The following COL4A2 variants were observed in gnomAD, a reference collection of about 807,000 sequenced individuals.
The protein encoded by COL4A2 is collagen alpha-2(IV) chain.
Under a neutral mutation model 200.2 loss-of-function variants are expected in COL4A2, and 99 were observed. That is an observed-to-expected ratio of 0.49 (90% confidence interval 0.42 to 0.58). The LOEUF is 0.58. COL4A2 is among the 20% of genes least tolerant of loss of function. The probability of loss-of-function intolerance (pLI) is 0.00; values close to 1 mark genes in which losing one functional copy is unlikely to be tolerated. For synonymous variants in COL4A2, 897 were observed against 900.6 expected (o/e 1.00, Z 0.07); for missense variants, 1,950 against 2,314.1 (o/e 0.84, Z 3.23).
chr13:110,407,014 C>T (rs1048883135), intron 4 of COL4A2, among the ~76,000 whole-genome samples: 1 of 152,192 alleles, frequency 6.6e-6, no homozygotes, highest in Non-Finnish European at 1.5e-5. Context: ...AAGCAGCCCA[C>T]CCCGATCGCC....
intron 16 of COL4A2, among the ~76,000 whole-genome samples, chr13:110,443,712 C>T (rs1036689793): frequency 3.3e-5 from 5 of 152,156 alleles, no homozygotes; most frequent in African/African-American, 1.2e-4. Flanking sequence ...CTGTGGTGAG[C>T]TTGCTAGCAG....
intron 31 of COL4A2, among the ~76,000 whole-genome samples, chr13:110,481,067 CTGTTCTGTCCCTCCGTTGCTGG>C: frequency 1.1e-5 from 1 of 89,152 alleles, no homozygotes; most frequent in Non-Finnish European, 2.3e-5. Context: ...TGGAGACACA[CTGTTCTGTCCCTCCGTTGCTGG>C]AGACACACTG....
At chr13:110,445,261 T>C (rs1432995594) in intron 16 of COL4A2, among the ~76,000 whole-genome samples, 1 of 152,212 alleles carries the variant, frequency 6.6e-6, no homozygotes, top group East Asian at 1.9e-4. Context: ...GTTTCAACAG[T>C]TGGTTCAGGT....
intron 4 of COL4A2, among the ~76,000 whole-genome samples, chr13:110,386,685 C>A (rs1283198744): frequency 6.6e-6 from 1 of 152,100 alleles, no homozygotes; most frequent in Non-Finnish European, 1.5e-5. Flanking sequence ...GTTATTATTT[C>A]TCCACTTTGG....
rs2139453956 is a variant in COL4A2 at position 110,424,811 on chromosome 13, T to C, written c.258T>C (p.Arg86=). Residue 86 remains arginine (R), a synonymous_variant, in exon 5 of 48, where the codon CGT becomes CGC. Coordinates refer to ENST00000360467, the MANE Select transcript of COL4A2 (RefSeq NM_001846.4). The part of the protein sequence containing the change: ...GLQGFPGLQG[R]KGDKGERGAP... ...AAGGATTCCCGGGACTGCAGGGACG[T>C]AAAGGAGACAAGGGTGAAAGGGGAG... The C allele has an allele frequency of 6.2e-7, 1 of 1,613,710 alleles. No homozygotes were observed. Among genetic ancestry groups the C allele is most frequent in the Non-Finnish European group, 8.5e-7 (1 of 1,179,758 alleles).
Position 110,493,341 on chromosome 13 carries a change from G to A in COL4A2, c.3634+59G>A, listed in dbSNP as rs1883351834. On this transcript the variant is annotated intron_variant, in intron 39 of 47. Transcript: ENST00000360467. Reference sequence around the variant, plus strand: ...CAGAGGTGTCGAGGGTGGGGACTCTGTGCTGAGTCTGCCCTCCAGACTTCA... The same window carrying A: ...CAGAGGTGTCGAGGGTGGGGACTCTATGCTGAGTCTGCCCTCCAGACTTCA... The A allele has an allele frequency of 1.9e-6, 3 of 1,565,048 alleles. No individual in the cohort carries two copies. In the African/African-American group the frequency reaches 4.1e-5, roughly 21 times the overall value.
intron 4 of COL4A2, among the ~76,000 whole-genome samples, chr13:110,370,935 T>G (rs34204050): frequency 0.086 from 13,083 of 152,250 alleles, 896 homozygotes; most frequent in East Asian, 0.33. Flanking sequence ...TCAAGTTGAA[T>G]AATCAGACTG....
chr13:110,501,862 G>T, intron 41 of COL4A2, 78 bp downstream of exon 41: 1 of 1,383,902 alleles, frequency 7.2e-7, no homozygotes, highest in Non-Finnish European at 1.0e-6. Context: ...TGTAGGGGGA[G>T]AACAGACGTT....
chr13:110,502,493 T>G (rs771999739), intron 41 of COL4A2: 1 of 152,422 alleles, frequency 6.6e-6, no homozygotes, highest in South Asian at 2.1e-4. Context: ...CCCAGATGAT[T>G]TTTGTATTTT....
At chr13:110,380,713 T>C (rs1878434011) in intron 4 of COL4A2, among the ~76,000 whole-genome samples, 1 of 150,750 alleles carries the variant, frequency 6.6e-6, no homozygotes, top group South Asian at 2.1e-4. Flanking sequence ...ACAAGCTCTA[T>C]CTCACACCCA....
At chr13:110,434,032 A>G (rs1308276301) in intron 11 of COL4A2, among the ~76,000 whole-genome samples, 1 of 152,220 alleles carries the variant, frequency 6.6e-6, no homozygotes, top group Non-Finnish European at 1.5e-5. Flanking sequence ...CCAGAAGAAA[A>G]GACGAATCAT....
intron 40 of COL4A2, among the ~76,000 whole-genome samples, chr13:110,497,050 C>A (rs1286169781): frequency 6.7e-6 from 1 of 148,506 alleles, no homozygotes; most frequent in East Asian, 2.0e-4. Flanking sequence ...CACACCAGCA[C>A]AAGCTCCACT....
At chr13:110,504,103 G>C (rs372917229) in intron 44 of COL4A2, 45 bp from the exon 45 acceptor site, 110 of 1,600,396 alleles carry the variant, frequency 6.9e-5, no homozygotes, top group Non-Finnish European at 8.8e-5. Context: ...GGCCGTGCCA[G>C]GCGTGGTCAG....
intron 4 of COL4A2, among the ~76,000 whole-genome samples, chr13:110,358,781 A>T (rs564751623): frequency 6.6e-6 from 1 of 152,358 alleles, no homozygotes; most frequent in South Asian, 2.1e-4. Flanking sequence ...TACTTTGCTA[A>T]GAAATTTAAT....
At chr13:110,383,616 T>C (rs1023264947) in intron 4 of COL4A2, among the ~76,000 whole-genome samples, 26 of 136,156 alleles carry the variant, frequency 1.9e-4, no homozygotes, top group African/African-American at 6.5e-4. Flanking sequence ...CTTTTTTTTT[T>C]TTTTTTTTTT....
At chr13:110,494,779 T>C (rs1318283486) in intron 39 of COL4A2, among the ~76,000 whole-genome samples, 1 of 152,252 alleles carries the variant, frequency 6.6e-6, no homozygotes, top group Non-Finnish European at 1.5e-5. Flanking sequence ...AATGTGCTGT[T>C]TGTAGACATT....
At chr13:110,427,986 A>G (rs1056235906) in intron 6 of COL4A2, among the ~76,000 whole-genome samples, 1 of 152,226 alleles carries the variant, frequency 6.6e-6, no homozygotes, top group Non-Finnish European at 1.5e-5. Flanking sequence ...GTTGGGTACA[A>G]CTGATAAGGA....
Position 110,495,404 on chromosome 13 carries a change from G to A in COL4A2, c.3697G>A (p.Glu1233Lys). The change falls in exon 40 of 48, where the codon GAG (glutamate) becomes AAG (lysine). Residue 1233 changes from glutamate (E) to lysine (K), a missense_variant. This residue lies in a region of COL4A2 where 1,385 missense variants were observed against 1,720.5 expected (regional missense o/e 0.80). Coordinates refer to ENST00000360467, the MANE Select transcript of COL4A2 (RefSeq NM_001846.4). Reference sequence around the variant, plus strand: ...TCCTGGGGAAAGAGGTGACCCAGGAGAGGCCAACACCCTTCCAGGCCCTGT... The same window carrying A: ...TCCTGGGGAAAGAGGTGACCCAGGAAAGGCCAACACCCTTCCAGGCCCTGT... ...GPPGERGDPG[E>K]ANTLPGPVGV... 6.2e-7 allele frequency: 1 copy of A among 1,614,122 alleles called. No individual in the cohort carries two copies. The highest frequency in any genetic ancestry group is 8.5e-7 in the Non-Finnish European group (1 of 1,180,026).
At chr13:110,486,320 G>A (rs999336483) in intron 34 of COL4A2, among the ~76,000 whole-genome samples, 1 of 152,184 alleles carries the variant, frequency 6.6e-6, no homozygotes, top group African/African-American at 2.4e-5. Flanking sequence ...TAACAATGGT[G>A]AGCCCTGACC....
Sources: gnomAD v4.1 joint callset for allele counts (sites outside exome capture counted in the v4.1 genomes callset) on GRCh38, gnomAD v4.1.1 for gene constraint, gnomAD v4.1.1 regional missense constraint, MANE v1.5 for transcripts, NCBI Gene and HGNC (gene_info 2026-07-23, HGNC 2026-07-21) for gene names.